The following BLM variants were observed in gnomAD, a reference collection of about 807,000 sequenced individuals.
The protein encoded by BLM is recQ-like DNA helicase BLM.
Under a neutral mutation model 135.3 loss-of-function variants are expected in BLM, and 95 were observed. The ratio of observed to expected loss-of-function variants is 0.70; its 90% CI spans 0.59 to 0.83. BLM has a LOEUF of 0.83. Ranked by LOEUF, BLM falls within the 40% of genes least tolerant of loss-of-function variation. The probability of loss-of-function intolerance (pLI) is 0.00; values close to 1 mark genes in which losing one functional copy is unlikely to be tolerated. For synonymous variants in BLM, 520 were observed against 589.2 expected, an observed-to-expected ratio of 0.88 and a Z score of 1.70; for missense variants, 1,518 against 1,663.9, an observed-to-expected ratio of 0.91 and a Z score of 1.53.
chr15:90,804,158 C>A lies in BLM; in HGVS notation c.3559-9C>A. On this transcript the variant is annotated splice_polypyrimidine_tract_variant and intron_variant, in intron 18 of 21. Transcript: ENST00000355112. ...ACCCACTCCTATGATTTGTTTCTCTCTCATAAAGGTAGACTTTATGGAAAC... is the reference window on the plus strand; with the variant it reads ...ACCCACTCCTATGATTTGTTTCTCTATCATAAAGGTAGACTTTATGGAAAC... 1.2e-6 allele frequency: 2 copies of A among 1,611,288 alleles called. No individual in the cohort carries two copies. The highest frequency in any genetic ancestry group is 1.7e-6 in the Non-Finnish European group (2 of 1,177,638).
chr15:90,752,915 G>T (rs1895726312), intron 4 of BLM, among the ~76,000 whole-genome samples: 1 of 152,212 alleles, frequency 6.6e-6, no homozygotes, highest in Admixed American at 6.5e-5. Context: ...AATTGCCCAG[G>T]TTGATACAAT....
chr15:90,797,611 G>A (rs1897060790), intron 16 of BLM, among the ~76,000 whole-genome samples: 1 of 152,072 alleles, frequency 6.6e-6, no homozygotes, highest in South Asian at 2.1e-4. Flanking sequence ...ATACACAGAA[G>A]CACCAAGCAT....
rs776602757 is a variant in BLM at position 90,749,640 on chromosome 15, C to T, written c.372C>T (p.Asn124=). 7.4e-6 allele frequency: 12 copies of T among 1,614,032 alleles called. No individual in the cohort carries two copies. The highest frequency in any genetic ancestry group is 1.0e-5 in the Non-Finnish European group (12 of 1,180,026). ...TPKEVVCTTQ[N]TPTVKKSRDT... ...AGGAAGTTGTATGCACTACCCAAAA[C>T]ACACCAACTGTAAAGAAATCCCGGG... is the stretch of plus-strand genomic sequence containing the variant. Residue 124 remains asparagine (N), a synonymous_variant, in exon 3 of 22, where the codon AAC becomes AAT. Coordinates refer to ENST00000355112, the MANE Select transcript of BLM (RefSeq NM_000057.4).
rs1332713230 is a variant in BLM at position 90,812,682 on chromosome 15, T to C, written c.4076+1276T>C. Among the ~76,000 whole-genome samples, 24 of 152,210 alleles carry C rather than the reference T, an allele frequency of 1.6e-4. 1 individual carries two copies. The highest frequency in any genetic ancestry group is 1.6e-3 in the Admixed American group (24 of 15,284). Reference sequence around the variant, plus strand: ...TCAACTTTTGCAAGCTGTTGTGTTTTCTTTTGCAGTTTTTCTACCTCTTGT... The same window carrying C: ...TCAACTTTTGCAAGCTGTTGTGTTTCCTTTTGCAGTTTTTCTACCTCTTGT... On this transcript the variant is annotated intron_variant, in intron 21 of 21. Coordinates refer to ENST00000355112, the MANE Select transcript of BLM (RefSeq NM_000057.4).
At chr15:90,809,049 G>A (rs969986546) in intron 19 of BLM, 88 bp from the exon 20 acceptor site, 11 of 1,565,432 alleles carry the variant, frequency 7.0e-6, no homozygotes, top group Non-Finnish European at 8.8e-6. Flanking sequence ...GCACTTAGCA[G>A]ACGTGTGCTG....
intron 14 of BLM, 90 bp from the exon 15 acceptor site, chr15:90,790,559 A>G: frequency 7.7e-7 from 1 of 1,290,982 alleles, no homozygotes; most frequent in Non-Finnish European, 1.1e-6. Context: ...AAAGTAAAAC[A>G]AATGATAGAG....
chr15:90,804,518 C>CTG (rs944140936), intron 19 of BLM, among the ~76,000 whole-genome samples, 159 bp downstream of exon 19: 89 of 152,286 alleles, frequency 5.8e-4, no homozygotes, highest in African/African-American at 2.0e-3. Context: ...GGCTGGAGTG[C>CTG]TGTGGCATGA....
intron 1 of BLM, among the ~76,000 whole-genome samples, chr15:90,726,713 C>T (rs1894927646): frequency 1.3e-5 from 2 of 152,164 alleles, no homozygotes; most frequent in South Asian, 2.1e-4. Flanking sequence ...TTCTTTATTC[C>T]ACTTAACACA....
At chr15:90,732,943 C>G in intron 1 of BLM, among the ~76,000 whole-genome samples, 1 of 152,002 alleles carries the variant, frequency 6.6e-6, no homozygotes, top group African/African-American at 2.4e-5. Flanking sequence ...AATACAAAAA[C>G]TTAGCCAGGC....
chr15:90,775,979 C>G (rs1482557144), intron 12 of BLM, among the ~76,000 whole-genome samples: 1 of 152,056 alleles, frequency 6.6e-6, no homozygotes, highest in African/African-American at 2.4e-5. Context: ...AGGTCCACAC[C>G]CAGCTAGGAC....
At position 90,744,442 on chromosome 15, in the gene BLM, G is replaced by A. The variant is rs966172989; in HGVS notation, c.-4-2947G>A. ...GGCTGGAGTGCAGTGGCACAATCTC[G>A]GTTCACTGCAACCTCTGCCTCCCGG... On this transcript the variant is annotated intron_variant, in intron 1 of 21. Coordinates refer to ENST00000355112, the MANE Select transcript of BLM (RefSeq NM_000057.4). Among the ~76,000 whole-genome samples the A allele has an allele frequency of 5.9e-5, 9 of 152,060 alleles. No homozygotes were observed. The East Asian group carries it at 1.7e-3, about 29-fold the overall frequency.
At chr15:90,775,500 T>TTATA (rs1167536118) in intron 12 of BLM, among the ~76,000 whole-genome samples, 4 of 148,378 alleles carry the variant, frequency 2.7e-5, no homozygotes, top group African/African-American at 5.0e-5. Flanking sequence ...TTTTTATTTT[T>TTATA]TATATATATA....
chr15:90,759,948 T>G, intron 5 of BLM, 199 bp from the exon 6 acceptor site: 2 of 411,150 alleles, frequency 4.9e-6, no homozygotes, highest in Non-Finnish European at 8.8e-6. Flanking sequence ...GAAATCAAGA[T>G]CTTAAGACTT....
chr15:90,734,612 T>TTC (rs146610629), intron 1 of BLM, among the ~76,000 whole-genome samples: 3,105 of 149,422 alleles, frequency 0.021, 113 homozygotes, highest in African/African-American at 0.071. Context: ...AATGATGGTA[T>TTC]TCTCTCTCTC....
chr15:90,791,285 C>G (rs1342774998), intron 15 of BLM, among the ~76,000 whole-genome samples: 1 of 152,168 alleles, frequency 6.6e-6, no homozygotes, highest in Non-Finnish European at 1.5e-5. Flanking sequence ...TCCCCACCAC[C>G]CCATAGCCTC....
intron 2 of BLM, 138 bp downstream of exon 2, chr15:90,747,628 C>T: frequency 1.5e-6 from 1 of 685,610 alleles, no homozygotes; most frequent in East Asian, 2.8e-5. Context: ...CCCACTTTGC[C>T]AATTAATGGT....
At chr15:90,774,951 A>G (rs1236284541) in intron 12 of BLM, among the ~76,000 whole-genome samples, 1 of 151,696 alleles carries the variant, frequency 6.6e-6, no homozygotes, top group Non-Finnish European at 1.5e-5. Flanking sequence ...CGATGGTAAA[A>G]TGTTTGGACT....
rs753303865 is a variant in BLM, at chr15:90,763,025, A to T, written c.1942A>T (p.Ser648Cys). Residue 648 changes from serine (S) to cysteine (C), a missense_variant, in exon 8 of 22, where the codon AGT becomes TGT. Ser to Cys is a moderately radical substitution (Grantham distance 112). Coordinates refer to ENST00000355112, the MANE Select transcript of BLM (RefSeq NM_000057.4). ...GAAACATGAGCGTTTCCAAAGTCTT[A>T]GTTTTCCTCATACAAAGGAAATGAT... ...NLKHERFQSL[S>C]FPHTKEMMKI... The T allele has an allele frequency of 1.2e-6, 2 of 1,613,876 alleles. No individual in the cohort carries two copies. The highest frequency in any genetic ancestry group is 1.7e-6 in the Non-Finnish European group (2 of 1,179,930).
chr15:90,785,158 A>G (rs1896715462), intron 14 of BLM, 77 bp downstream of exon 14: 2 of 1,469,922 alleles, frequency 1.4e-6, no homozygotes, highest in Admixed American at 1.9e-5. Context: ...TGTAGAATGC[A>G]AACTGTTTTT....
Sources: allele counts gnomAD v4.1 joint callset (sites outside exome capture counted in the v4.1 genomes callset), GRCh38; gene constraint gnomAD v4.1.1; transcripts MANE v1.5; gene names NCBI Gene and HGNC (gene_info 2026-07-23, HGNC 2026-07-21).